DSCAML1: variants seen among roughly 807,000 people sequenced by gnomAD.
DSCAML1 encodes cell adhesion molecule DSCAML1.
Under a neutral mutation model 200.5 loss-of-function variants are expected in DSCAML1, and 38 were observed. That is an observed-to-expected ratio of 0.19 (90% CI 0.15 to 0.25). The LOEUF is 0.25. Ranked by LOEUF, DSCAML1 falls within the 10% of genes least tolerant of loss-of-function variation. The pLI, the probability that DSCAML1 is intolerant of heterozygous loss-of-function variation, is 1.00. For missense variants in DSCAML1, 2,223 were observed against 2,858.8 expected (o/e 0.78, Z 5.07); for synonymous variants, 1,215 against 1,165.0 (o/e 1.04, Z -0.87).
At chr11:117,591,856 G>A (rs1377168404) in intron 3 of DSCAML1, among the ~76,000 whole-genome samples, 2 of 152,130 alleles carry the variant, frequency 1.3e-5, no homozygotes, top group Non-Finnish European at 2.9e-5. Context: ...GGTGCATCCC[G>A]GCCCCTCACC....
At chr11:117,770,966 AG>A (rs1467154354) in intron 3 of DSCAML1, among the ~76,000 whole-genome samples, 1 of 152,184 alleles carries the variant, frequency 6.6e-6, no homozygotes, top group Admixed American at 6.5e-5. Flanking sequence ...TGAGCAGGAG[AG>A]GAGAGAAGAT....
In DSCAML1 at chr11:117,455,504, T is replaced by C. The variant is rs886510788; in HGVS notation, c.3568+3250A>G. ...TAGGTTTGGTATTCACAGGGGGAGG[T>C]TGAGGAGTTAGCACTGGAACTCATG... On this transcript the variant is annotated intron_variant, in intron 19 of 32. Transcript: ENST00000651296. Among the ~76,000 whole-genome samples the C allele has an allele frequency of 3.3e-5, 5 of 152,194 alleles. No individual in the cohort carries two copies. The East Asian group carries it at 7.7e-4, about 23-fold the overall frequency.
At chr11:117,534,471 C>T (rs896167580) in intron 3 of DSCAML1, among the ~76,000 whole-genome samples, 5 of 152,216 alleles carry the variant, frequency 3.3e-5, no homozygotes, top group African/African-American at 1.2e-4. Context: ...GGCGCTCCCT[C>T]TGTGTGTCCT....
chr11:117,518,032 T>C lies in DSCAML1; in HGVS notation c.1510+434A>G, dbSNP rs1014629072. ...GTGGGAGGACAGAGGGAGCACAGCT[T>C]GGGTGGGCAACCATGTTAAAGACCA... On this transcript the variant is annotated intron_variant, in intron 7 of 32. Coordinates refer to ENST00000651296, the MANE Select transcript of DSCAML1 (RefSeq NM_020693.4). The surrounding 1 kb of genome is among the most constrained non-coding windows in gnomAD (Gnocchi z 6.3). 1.3e-5 allele frequency among the ~76,000 whole-genome samples: 2 copies of C among 152,178 alleles called. No individual in the cohort carries two copies. Among genetic ancestry groups the C allele is most frequent in the African/African-American group, 4.8e-5 (2 of 41,446 alleles).
At chr11:117,628,970 A>G (rs1056963641) in intron 3 of DSCAML1, among the ~76,000 whole-genome samples, 1 of 152,032 alleles carries the variant, frequency 6.6e-6, no homozygotes, top group African/African-American at 2.4e-5. Flanking sequence ...GCTAGACAGA[A>G]TCCACCCAAC....
At chr11:117,659,991 C>G (rs1015430976) in intron 3 of DSCAML1, among the ~76,000 whole-genome samples, 5 of 152,250 alleles carry the variant, frequency 3.3e-5, no homozygotes, top group African/African-American at 1.2e-4. Flanking sequence ...CCCAAAGTGC[C>G]GGGATTACAG....
At chr11:117,581,553 A>G (rs910688486) in intron 3 of DSCAML1, among the ~76,000 whole-genome samples, 3 of 152,216 alleles carry the variant, frequency 2.0e-5, no homozygotes, top group African/African-American at 7.2e-5. Flanking sequence ...TGATACAGTG[A>G]GTAGCCATTC....
intron 1 of DSCAML1, among the ~76,000 whole-genome samples, chr11:117,816,980 A>G (rs1374669302): frequency 2.6e-5 from 4 of 152,352 alleles, no homozygotes; most frequent in African/African-American, 9.6e-5. Flanking sequence ...AGTGCCTGCC[A>G]GAACCCAGCA....
intron 3 of DSCAML1, among the ~76,000 whole-genome samples, chr11:117,759,179 C>T (rs958694029): frequency 3.3e-5 from 5 of 152,134 alleles, no homozygotes; most frequent in Admixed American, 3.3e-4. Context: ...CTGTGAGTGG[C>T]GTCTATAAGA....
intron 3 of DSCAML1, among the ~76,000 whole-genome samples, chr11:117,667,503 G>A (rs566861578): frequency 2.6e-5 from 4 of 152,298 alleles, no homozygotes; most frequent in South Asian, 4.1e-4. Flanking sequence ...CAGGGTGGCC[G>A]GGGCTGGGGG....
At chr11:117,634,146 C>G (rs2052228696) in intron 3 of DSCAML1, among the ~76,000 whole-genome samples, 1 of 152,152 alleles carries the variant, frequency 6.6e-6, no homozygotes. Flanking sequence ...CGGACTGTCA[C>G]GGAGCATCAA....
In DSCAML1 at chr11:117,469,253, A is replaced by G. The variant is rs942268851; in HGVS notation, c.3024+657T>C. ...CACTTGGAGACTGGAGGATGCAGTGAGACAGGAAGCCCCTGGATTGCCAGC... is the reference window on the plus strand; with the variant it reads ...CACTTGGAGACTGGAGGATGCAGTGGGACAGGAAGCCCCTGGATTGCCAGC... On this transcript the variant is annotated intron_variant, in intron 16 of 32. Transcript: ENST00000651296. The surrounding 1 kb of genome is among the most constrained non-coding windows in gnomAD (Gnocchi z 4.1). Among the ~76,000 whole-genome samples, 3 of 152,192 alleles carry G rather than the reference A, an allele frequency of 2.0e-5. No individual in the cohort carries two copies. The highest frequency in any genetic ancestry group is 7.2e-5 in the African/African-American group (3 of 41,444).
intron 11 of DSCAML1, among the ~76,000 whole-genome samples, chr11:117,482,587 ATAT>A (rs1180250374): frequency 6.6e-6 from 1 of 152,168 alleles, no homozygotes; most frequent in African/African-American, 2.4e-5. Flanking sequence ...TTGCTGTCTT[ATAT>A]TACCATGATC....
At chr11:117,452,161 ATC>A (rs2048296103) in intron 19 of DSCAML1, among the ~76,000 whole-genome samples, 1 of 152,172 alleles carries the variant, frequency 6.6e-6, no homozygotes, top group South Asian at 2.1e-4. Context: ...GAGTGTTCAA[ATC>A]TCTATCCTTG....
intron 3 of DSCAML1, among the ~76,000 whole-genome samples, chr11:117,561,957 A>G (rs558148660): frequency 1.3e-5 from 2 of 152,356 alleles, no homozygotes; most frequent in South Asian, 2.1e-4. Flanking sequence ...GATTGCATAC[A>G]GCAATTCTAT....
intron 3 of DSCAML1, among the ~76,000 whole-genome samples, chr11:117,660,938 G>T (rs377069068): frequency 6.6e-6 from 1 of 152,304 alleles, no homozygotes; most frequent in African/African-American, 2.4e-5. Flanking sequence ...CCATCATTAA[G>T]GGTTCCTTTG....
chr11:117,660,555 G>C (rs2052825729), intron 3 of DSCAML1, among the ~76,000 whole-genome samples: 1 of 152,016 alleles, frequency 6.6e-6, no homozygotes, highest in African/African-American at 2.4e-5. Flanking sequence ...GCCATAAGAG[G>C]GGAGGCTGTA....
intron 1 of DSCAML1, among the ~76,000 whole-genome samples, chr11:117,805,636 C>A (rs2055701961): frequency 6.6e-6 from 1 of 152,084 alleles, no homozygotes; most frequent in Non-Finnish European, 1.5e-5. Context: ...ATCCATTTCC[C>A]ACTTCTCCTG....
intron 3 of DSCAML1, among the ~76,000 whole-genome samples, chr11:117,722,377 A>G (rs1480385857): frequency 6.6e-6 from 1 of 151,958 alleles, no homozygotes; most frequent in African/African-American, 2.4e-5. Flanking sequence ...GCTGGGAAAG[A>G]TAAGGGGGAG....
Sources: gnomAD v4.1 joint callset for allele counts (sites outside exome capture counted in the v4.1 genomes callset) on GRCh38, gnomAD v4.1.1 for gene constraint, Gnocchi (gnomAD v3.1) non-coding constraint, MANE v1.5 for transcripts, NCBI Gene and HGNC (gene_info 2026-07-23, HGNC 2026-07-21) for gene names.